The following FAT3 variants were observed in gnomAD, a reference collection of about 807,000 sequenced individuals.
FAT3 encodes FAT atypical cadherin 3, also known as protocadherin Fat 3.
FAT3 carries 95 observed loss-of-function variants against 310.2 expected under a neutral mutation model. The ratio of observed to expected loss-of-function variants is 0.31; its 90% confidence interval spans 0.26 to 0.36. The LOEUF is 0.36. FAT3 is among the 10% of genes least tolerant of loss of function. The pLI is 1.00. For missense variants in FAT3, 5,408 were observed against 5,715.6 expected (o/e 0.95, Z 1.74); for synonymous variants, 2,314 against 2,192.9 (o/e 1.06, Z -1.54).
intron 2 of FAT3, among the ~76,000 whole-genome samples, chr11:92,459,004 T>C (rs1951570254): frequency 6.6e-6 from 1 of 152,154 alleles, no homozygotes; most frequent in Non-Finnish European, 1.5e-5. Context: ...GTTAAGAAAA[T>C]TGATTATATT....
chr11:92,379,464 T>C (rs1365392072), intron 2 of FAT3, among the ~76,000 whole-genome samples: 1 of 152,192 alleles, frequency 6.6e-6, no homozygotes, highest in Non-Finnish European at 1.5e-5. Flanking sequence ...GAAAGCATCT[T>C]TTCTATCTAT....
chr11:92,787,507 C>T (rs1946925239), intron 7 of FAT3, among the ~76,000 whole-genome samples: 1 of 151,786 alleles, frequency 6.6e-6, no homozygotes, highest in South Asian at 2.1e-4. Flanking sequence ...TGACTTTAAA[C>T]ATGCTGGTTT....
intron 2 of FAT3, among the ~76,000 whole-genome samples, chr11:92,405,528 G>A (rs575945301): frequency 4.6e-5 from 7 of 152,258 alleles, no homozygotes; most frequent in Admixed American, 2.0e-4. Flanking sequence ...AGGCCAAGGC[G>A]GTAGGATCAC....
chr11:92,550,839 A>G lies in FAT3; in HGVS notation c.3607+25891A>G, dbSNP rs377369965. On this transcript the variant is annotated intron_variant, in intron 3 of 27. Coordinates refer to ENST00000525166, the MANE Select transcript of FAT3 (RefSeq NM_001367949.2). ...ACTTCTTTATAGGCTTCATGCTAAA[A>G]TGTCCCTGGCATGGGTATATTTGGG... Among the ~76,000 whole-genome samples, 6 of 151,132 alleles carry G rather than the reference A, an allele frequency of 4.0e-5. No individual in the cohort carries two copies. The South Asian group carries it at 1.3e-3, about 32-fold the overall frequency.
chr11:92,612,345 T>C (rs1413207571), intron 3 of FAT3, among the ~76,000 whole-genome samples: 1 of 152,068 alleles, frequency 6.6e-6, no homozygotes, highest in Non-Finnish European at 1.5e-5. Flanking sequence ...GAAATCATTT[T>C]ATCAGTTTTG....
chr11:92,561,699 C>T (rs957785024), intron 3 of FAT3, among the ~76,000 whole-genome samples: 1 of 152,144 alleles, frequency 6.6e-6, no homozygotes, highest in Non-Finnish European at 1.5e-5. Context: ...AATCTTGGCT[C>T]ACTGCAGCCT....
intron 19 of FAT3, among the ~76,000 whole-genome samples, chr11:92,851,417 A>C (rs1312674055): frequency 6.6e-6 from 1 of 152,212 alleles, no homozygotes; most frequent in East Asian, 1.9e-4. Flanking sequence ...CAGAAAAGGA[A>C]ATCGAGACCT....
intron 1 of FAT3, among the ~76,000 whole-genome samples, chr11:92,311,277 T>C (rs1279369013): frequency 6.6e-6 from 1 of 152,134 alleles, no homozygotes; most frequent in Non-Finnish European, 1.5e-5. Context: ...AATGATTACG[T>C]CTTATTTTCT....
At chr11:92,601,149 A>G (rs1030205717) in intron 3 of FAT3, among the ~76,000 whole-genome samples, 6 of 152,002 alleles carry the variant, frequency 3.9e-5, no homozygotes, top group Admixed American at 2.0e-4. Flanking sequence ...GATATGAGTC[A>G]ACTGTTTTTT....
chr11:92,826,736 T>C (rs1948115488), intron 13 of FAT3, among the ~76,000 whole-genome samples: 2 of 152,260 alleles, frequency 1.3e-5, no homozygotes, highest in Admixed American at 6.5e-5. Context: ...TAAATCCCTT[T>C]GTAAAAACCA....
intron 15 of FAT3, among the ~76,000 whole-genome samples, chr11:92,835,321 A>G (rs1948378354): frequency 6.6e-6 from 1 of 152,214 alleles, no homozygotes; most frequent in South Asian, 2.1e-4. Context: ...CTTATTTCCC[A>G]GGAGCATATC....
intron 4 of FAT3, among the ~76,000 whole-genome samples, chr11:92,742,288 C>G (rs982073181): frequency 6.6e-6 from 1 of 152,190 alleles, no homozygotes; most frequent in Admixed American, 6.5e-5. Flanking sequence ...ACAAACAGTA[C>G]AGCAGGCCTT....
intron 3 of FAT3, among the ~76,000 whole-genome samples, chr11:92,680,099 T>C (rs936089257): frequency 1.3e-5 from 2 of 151,886 alleles, no homozygotes; most frequent in African/African-American, 4.8e-5. Context: ...AGAAATTTTT[T>C]AGTGTGATTA....
At chr11:92,458,105 CT>C (rs1951542997) in intron 2 of FAT3, among the ~76,000 whole-genome samples, 1 of 152,100 alleles carries the variant, frequency 6.6e-6, no homozygotes, top group South Asian at 2.1e-4. Flanking sequence ...AACATATTGC[CT>C]ATTGTTAGGT....
At chr11:92,774,576 A>G (rs1946548403) in intron 7 of FAT3, among the ~76,000 whole-genome samples, 1 of 152,214 alleles carries the variant, frequency 6.6e-6, no homozygotes. Context: ...GCTAAAGAAT[A>G]CCTAAGAGTC....
At chr11:92,254,617 CA>C in intron 1 of FAT3, among the ~76,000 whole-genome samples, 1 of 152,180 alleles carries the variant, frequency 6.6e-6, no homozygotes, top group East Asian at 1.9e-4. Context: ...CTACTTATGG[CA>C]TGTTACCCTA....
intron 2 of FAT3, among the ~76,000 whole-genome samples, chr11:92,394,415 C>T (rs1401393116): frequency 1.3e-5 from 2 of 152,062 alleles, no homozygotes; most frequent in African/African-American, 2.4e-5. Flanking sequence ...TGCCACTGTG[C>T]TCCAGCCTAT....
chr11:92,323,672 C>A (rs1476926154), intron 1 of FAT3, among the ~76,000 whole-genome samples: 2 of 151,214 alleles, frequency 1.3e-5, no homozygotes, highest in Non-Finnish European at 2.9e-5. Flanking sequence ...GTGCTGTCAC[C>A]CAGCCTTTGT....
intron 4 of FAT3, among the ~76,000 whole-genome samples, chr11:92,730,941 G>A (rs1040120519): frequency 5.3e-5 from 8 of 152,056 alleles, no homozygotes; most frequent in African/African-American, 1.9e-4. Context: ...AGCAGAGCAG[G>A]TTCTTTCCAT....
Sources: allele counts gnomAD v4.1 joint callset (sites outside exome capture counted in the v4.1 genomes callset), GRCh38; gene constraint gnomAD v4.1.1; transcripts MANE v1.5; gene names NCBI Gene and HGNC (gene_info 2026-07-23, HGNC 2026-07-21).